MON2: variants seen among roughly 807,000 people sequenced by gnomAD.
MON2 encodes the protein protein MON2 homolog.
In MON2, 84 loss-of-function variants were observed where a neutral mutation model predicts 208.6. The ratio of observed to expected loss-of-function variants is 0.40; its 90% CI spans 0.34 to 0.48. The LOEUF is 0.48. MON2 is among the 20% of genes least tolerant of loss of function. The probability of loss-of-function intolerance (pLI) is 0.59; values close to 1 mark genes in which losing one functional copy is unlikely to be tolerated. For missense variants in MON2, 1,611 were observed against 2,015.4 expected (o/e 0.80, Z 3.84); for synonymous variants, 660 against 694.0 (o/e 0.95, Z 0.77).
chr12:62,539,528 A>T (rs1390023798), intron 19 of MON2, among the ~76,000 whole-genome samples: 2 of 151,678 alleles, frequency 1.3e-5, no homozygotes, highest in East Asian at 2.0e-4. Flanking sequence ...CAGCCTCCCA[A>T]AGTGCTGGGA....
At chr12:62,549,478 A>G (rs1462948129) in intron 22 of MON2, among the ~76,000 whole-genome samples, 190 bp from the exon 23 acceptor site, 1 of 148,724 alleles carries the variant, frequency 6.7e-6, no homozygotes, top group Non-Finnish European at 1.5e-5. Context: ...AAAAAAGGGC[A>G]TGGGGGTGTG....
intron 1 of MON2, among the ~76,000 whole-genome samples, chr12:62,483,865 T>G (rs2069599498): frequency 6.6e-6 from 1 of 152,254 alleles, no homozygotes; most frequent in Non-Finnish European, 1.5e-5. Flanking sequence ...TTTGTTATTT[T>G]TATTCTCGGA....
At chr12:62,536,525 A>G (rs1339874543) in intron 14 of MON2, among the ~76,000 whole-genome samples, 2 of 152,114 alleles carry the variant, frequency 1.3e-5, no homozygotes, top group Non-Finnish European at 2.9e-5. Flanking sequence ...CTCTAAATTA[A>G]AAAACATACC....
intron 30 of MON2, among the ~76,000 whole-genome samples, chr12:62,571,987 A>T (rs1263153465): frequency 1.3e-5 from 2 of 152,232 alleles, no homozygotes; most frequent in Non-Finnish European, 2.9e-5. Context: ...AGATGTTTAG[A>T]TTTGTCAAAG....
At chr12:62,589,384 AGTTG>A (rs1470536088) in intron 34 of MON2, among the ~76,000 whole-genome samples, 1 of 152,258 alleles carries the variant, frequency 6.6e-6, no homozygotes, top group Non-Finnish European at 1.5e-5. Context: ...CTAATGAATG[AGTTG>A]TAGGATATTT....
intron 26 of MON2, 173 bp from the exon 27 acceptor site, chr12:62,565,064 C>CAGAATAACTG: frequency 1.8e-6 from 1 of 570,658 alleles, no homozygotes; most frequent in Non-Finnish European, 3.0e-6. Context: ...TCAGCCTATA[C>CAGAATAACTG]TTTATTCTAT....
chr12:62,510,144 T>C (rs1592913350), intron 8 of MON2, among the ~76,000 whole-genome samples: 1 of 152,080 alleles, frequency 6.6e-6, no homozygotes, highest in African/African-American at 2.4e-5. Flanking sequence ...ATAACTAGTA[T>C]GGAGATTGAA....
At chr12:62,535,028 GT>G (rs2072901886) in intron 13 of MON2, 102 bp downstream of exon 13, 1 of 857,816 alleles carries the variant, frequency 1.2e-6, no homozygotes, top group Non-Finnish European at 1.9e-6. Flanking sequence ...TCTAATATTA[GT>G]TTTTTATATG....
Position 62,560,704 on chromosome 12 carries a change from C to G in MON2, c.3623C>G (p.Pro1208Arg), listed in dbSNP as rs2074167584. 6.2e-7 allele frequency: 1 copy of G among 1,613,906 alleles called. No homozygotes were observed. The highest frequency in any genetic ancestry group is 1.7e-5 in the Admixed American group (1 of 59,986). The change falls in exon 26 of 35, where the codon CCA becomes CGA. Residue 1208 changes from proline (P) to arginine (R), a missense_variant. Physicochemically the swap from Pro to Arg is moderately radical, Grantham distance 103 (BLOSUM62 -2). Coordinates refer to ENST00000393630, the MANE Select transcript of MON2 (RefSeq NM_015026.3). The part of the protein sequence containing the change: ...LIGPISGMSR[P>R]FVRTDSIGEK... Reference sequence around the variant, plus strand: ...GGGCCCATATCAGGCATGAGCAGGCCATTTGTAAGAACAGATTCCATTGGA... The same window carrying G: ...GGGCCCATATCAGGCATGAGCAGGCGATTTGTAAGAACAGATTCCATTGGA...
At chr12:62,510,310 A>G (rs1434386170) in intron 8 of MON2, among the ~76,000 whole-genome samples, 2 of 152,158 alleles carry the variant, frequency 1.3e-5, no homozygotes, top group Admixed American at 1.3e-4. Flanking sequence ...CGTTAATACC[A>G]AAGCCAGACA....
intron 30 of MON2, among the ~76,000 whole-genome samples, chr12:62,572,526 G>C (rs1032065739): frequency 2.0e-5 from 3 of 152,136 alleles, no homozygotes; most frequent in African/African-American, 7.2e-5. Context: ...GCTCACTGCA[G>C]CCTCGACCTC....
At chr12:62,578,895 G>C (rs868026377) in intron 31 of MON2, among the ~76,000 whole-genome samples, 1 of 152,216 alleles carries the variant, frequency 6.6e-6, no homozygotes, top group South Asian at 2.1e-4. Flanking sequence ...TTAATCAGCT[G>C]TATATACAGC....
chr12:62,599,541 G>C lies in MON2; in HGVS notation c.*6792G>C, dbSNP rs1384227610. On this transcript the variant is annotated 3_prime_UTR_variant, in exon 35 of 35. Transcript: ENST00000393630. ...TTAACCACCATTTCTGGAGTACCTAGTATGTGCAGGCCAAGGCTTTGCCTA... is the reference window on the plus strand; with the variant it reads ...TTAACCACCATTTCTGGAGTACCTACTATGTGCAGGCCAAGGCTTTGCCTA... 1 of 152,214 alleles carries C rather than the reference G, an allele frequency of 6.6e-6. No homozygotes were observed. Among genetic ancestry groups the C allele is most frequent in the Non-Finnish European group, 1.5e-5 (1 of 68,032 alleles). The allele number at this position is 152,214 out of a possible 1,614,324, so 9.4% of individuals were successfully genotyped here.
intron 19 of MON2, among the ~76,000 whole-genome samples, chr12:62,541,033 G>A (rs960690882): frequency 6.6e-6 from 1 of 152,196 alleles, no homozygotes; most frequent in South Asian, 2.1e-4. Context: ...TCAGCATCTC[G>A]TTTTTGATCC....
intron 1 of MON2, among the ~76,000 whole-genome samples, chr12:62,473,502 T>A (rs1452028576): frequency 6.6e-6 from 1 of 152,234 alleles, no homozygotes; most frequent in African/African-American, 2.4e-5. Context: ...TGGAACCCTC[T>A]AGTTTTGAGT....
Position 62,492,012 on chromosome 12 carries a change from A to G in MON2, c.176-1903A>G, listed in dbSNP as rs114814280. 6.0e-3 allele frequency among the ~76,000 whole-genome samples: 909 copies of G among 152,328 alleles called. 11 individuals are homozygous for G. Among genetic ancestry groups the G allele is most frequent in the African/African-American group, 0.02 (836 of 41,578 alleles). On this transcript the variant is annotated intron_variant, in intron 2 of 34. Coordinates refer to ENST00000393630, the MANE Select transcript of MON2 (RefSeq NM_015026.3). ...TAGGTTTGAATCAAAACCTTTGTGT[A>G]CAAGAAAGCAAGGGAATAAGGACAG...
intron 23 of MON2, among the ~76,000 whole-genome samples, chr12:62,551,903 C>G (rs2073763055): frequency 6.6e-6 from 1 of 152,146 alleles, no homozygotes; most frequent in Non-Finnish European, 1.5e-5. Context: ...TCATCTCTTC[C>G]TACGTTCAGC....
intron 11 of MON2, among the ~76,000 whole-genome samples, chr12:62,532,017 C>T (rs2072674112): frequency 6.6e-6 from 1 of 152,192 alleles, no homozygotes; most frequent in African/African-American, 2.4e-5. Flanking sequence ...GATCCACCCA[C>T]CTCGGCCTCC....
At chr12:62,498,292 G>A (rs1394529812) in intron 4 of MON2, among the ~76,000 whole-genome samples, 5 of 152,124 alleles carry the variant, frequency 3.3e-5, no homozygotes, top group Non-Finnish European at 5.9e-5. Flanking sequence ...CCATTGATCT[G>A]CAGTGAATAA....
Sources: allele counts gnomAD v4.1 joint callset (sites outside exome capture counted in the v4.1 genomes callset), GRCh38; gene constraint gnomAD v4.1.1; transcripts MANE v1.5; gene names NCBI Gene and HGNC (gene_info 2026-07-23, HGNC 2026-07-21).